CCDC178: variants seen among roughly 807,000 people sequenced by gnomAD.
CCDC178 encodes coiled-coil domain-containing protein 178.
In CCDC178, 126 loss-of-function variants were observed where a neutral mutation model predicts 117.4. That is an observed-to-expected ratio of 1.07 (90% CI 0.93 to 1.24). The LOEUF (loss-of-function observed/expected upper bound fraction) is 1.24, where lower values mean the gene tolerates loss of function less well. CCDC178 is among the 50% of genes most tolerant of loss of function. The probability of loss-of-function intolerance (pLI) is 0.00; values close to 1 mark genes in which losing one functional copy is unlikely to be tolerated. For synonymous variants in CCDC178, 283 were observed against 313.4 expected (o/e 0.90, Z 1.02); for missense variants, 1,030 against 986.9 (o/e 1.04, Z -0.59).
At chr18:33,355,802 T>C (rs2063047606) in intron 7 of CCDC178, among the ~76,000 whole-genome samples, 1 of 152,154 alleles carries the variant, frequency 6.6e-6, no homozygotes, top group African/African-American at 2.4e-5. Flanking sequence ...TCAAGCAAAG[T>C]CCTTATGCTA....
At chr18:33,426,210 A>G (rs1187314894) in intron 2 of CCDC178, among the ~76,000 whole-genome samples, 1 of 152,202 alleles carries the variant, frequency 6.6e-6, no homozygotes, top group Non-Finnish European at 1.5e-5. Flanking sequence ...CGCCTGGCCT[A>G]ACTGAATTAT....
chr18:32,942,754 T>C (rs1407971390), intron 22 of CCDC178, among the ~76,000 whole-genome samples: 4 of 152,196 alleles, frequency 2.6e-5, no homozygotes, highest in Non-Finnish European at 5.9e-5. Flanking sequence ...AACACAGCAA[T>C]GCTGCTATTA....
intron 22 of CCDC178, chr18:32,954,567 G>A (rs886967605): frequency 1.3e-5 from 2 of 152,104 alleles, no homozygotes; most frequent in Admixed American, 1.3e-4. Context: ...CAATTGCCAT[G>A]GTGGAAGTAT....
At chr18:33,187,096 A>AGG (rs1197443922) in intron 20 of CCDC178, among the ~76,000 whole-genome samples, 39 of 150,828 alleles carry the variant, frequency 2.6e-4, no homozygotes, top group African/African-American at 9.1e-4. Flanking sequence ...GGAGAGAGAG[A>AGG]GAGAGAGAGA....
At chr18:32,968,280 C>T (rs562141350) in intron 22 of CCDC178, among the ~76,000 whole-genome samples, 5 of 151,990 alleles carry the variant, frequency 3.3e-5, no homozygotes, top group East Asian at 1.9e-4. Context: ...TTTTACCTAA[C>T]ATGATATCCT....
intron 21 of CCDC178, among the ~76,000 whole-genome samples, chr18:33,029,453 C>G (rs2056292545): frequency 6.6e-6 from 1 of 151,842 alleles, no homozygotes; most frequent in Non-Finnish European, 1.5e-5. Context: ...TTCGAAGAAT[C>G]AGTTTTTTGA....
At chr18:33,374,113 C>T (rs562272832) in intron 5 of CCDC178, among the ~76,000 whole-genome samples, 6 of 152,228 alleles carry the variant, frequency 3.9e-5, no homozygotes, top group Admixed American at 2.0e-4. Flanking sequence ...ACAGTGATCC[C>T]GCTGAGTTGA....
chr18:33,066,033 T>C lies in CCDC178; in HGVS notation c.2388+26728A>G, dbSNP rs548069454. ...CCTGCCATCACGCCTGGCTAATTTT[T>C]TGTATTTTTAGTAGAGATGGGGTTT... On this transcript the variant is annotated intron_variant, in intron 21 of 22. Transcript: ENST00000383096. Among the ~76,000 whole-genome samples, 26 of 152,058 alleles carry C rather than the reference T, an allele frequency of 1.7e-4. No individual in the cohort carries two copies. The South Asian group carries it at 5.2e-3, about 30-fold the overall frequency.
intron 2 of CCDC178, among the ~76,000 whole-genome samples, chr18:33,430,123 G>T (rs1261106896): frequency 6.6e-6 from 1 of 152,066 alleles, no homozygotes; most frequent in Admixed American, 6.6e-5. Context: ...AAATACTTTT[G>T]TTGTTCTAAA....
chr18:33,367,926 TAAAC>T (rs1177145777), intron 6 of CCDC178, among the ~76,000 whole-genome samples: 4 of 152,066 alleles, frequency 2.6e-5, no homozygotes, highest in African/African-American at 7.2e-5. Context: ...TATTTATTCA[TAAAC>T]AAAGAATTAT....
chr18:33,395,913 T>A (rs548454116), intron 4 of CCDC178, among the ~76,000 whole-genome samples: 83 of 152,224 alleles, frequency 5.5e-4, no homozygotes, highest in Non-Finnish European at 1.2e-3. Flanking sequence ...AATATCTGCA[T>A]GACCTTGGAC....
chr18:33,439,244 G>C (rs759548964), intron 2 of CCDC178, among the ~76,000 whole-genome samples: 1 of 152,196 alleles, frequency 6.6e-6, no homozygotes, highest in Admixed American at 6.5e-5. Context: ...CAATTATCCC[G>C]TTCACTGCTA....
chr18:33,264,892 C>G (rs974417108), intron 14 of CCDC178, among the ~76,000 whole-genome samples: 1 of 151,978 alleles, frequency 6.6e-6, no homozygotes, highest in Non-Finnish European at 1.5e-5. Flanking sequence ...TTTTGAGTCA[C>G]TAAGATTTGG....
chr18:33,048,324 A>G (rs987320994), intron 21 of CCDC178, among the ~76,000 whole-genome samples: 1 of 152,190 alleles, frequency 6.6e-6, no homozygotes, highest in Non-Finnish European at 1.5e-5. Flanking sequence ...TGCTTATACC[A>G]TCATATAAGA....
At chr18:33,023,612 T>C (rs2056166201) in intron 21 of CCDC178, among the ~76,000 whole-genome samples, 1 of 152,052 alleles carries the variant, frequency 6.6e-6, no homozygotes, top group Admixed American at 6.6e-5. Context: ...GTGCATATAT[T>C]AGAAGAAATG....
rs373698840 is a variant in CCDC178, at chr18:33,356,147, T to C, written c.371+177A>G. On this transcript the variant is annotated intron_variant, in intron 7 of 22. Transcript: ENST00000383096. ...GGGTGGAGCTCTGGAGATCTCTAGT[T>C]TGCCATTATCAGTGATGTCCTCATT... 2.6e-5 allele frequency among the ~76,000 whole-genome samples: 4 copies of C among 152,318 alleles called. No homozygotes were observed. In the South Asian group the frequency reaches 6.2e-4, roughly 24 times the overall value.
intron 2 of CCDC178, among the ~76,000 whole-genome samples, chr18:33,415,925 T>C (rs776621905): frequency 5.9e-5 from 9 of 151,982 alleles, no homozygotes; most frequent in South Asian, 2.1e-4. Flanking sequence ...AACAAGGAGG[T>C]AGTAAATTTC....
intron 22 of CCDC178, among the ~76,000 whole-genome samples, chr18:32,957,161 CTTG>C (rs1026039051): frequency 2.0e-5 from 3 of 152,126 alleles, no homozygotes; most frequent in African/African-American, 4.8e-5. Context: ...TGAGATCCTC[CTTG>C]TTGTACAAAA....
At chr18:32,950,730 T>C (rs538692533) in intron 22 of CCDC178, among the ~76,000 whole-genome samples, 111 of 152,280 alleles carry the variant, frequency 7.3e-4, no homozygotes, top group African/African-American at 2.5e-3. Context: ...GATTAAACTT[T>C]AGATGAAAAA....
Sources: gnomAD v4.1 joint callset for allele counts (sites outside exome capture counted in the v4.1 genomes callset) on GRCh38, gnomAD v4.1.1 for gene constraint, MANE v1.5 for transcripts, NCBI Gene and HGNC (gene_info 2026-07-23, HGNC 2026-07-21) for gene names.